Variants in CRB1 observed in about 807,000 individuals in gnomAD.
CRB1 encodes crumbs cell polarity complex component 1, also known as protein crumbs homolog 1.
A neutral mutation model predicts 120.0 loss-of-function variants in CRB1; 83 were observed. The observed-to-expected ratio is 0.69, with a 90% CI of 0.58 to 0.83. The LOEUF (loss-of-function observed/expected upper bound fraction) is 0.83. Among genes scored for constraint, CRB1 ranks in the 40% least tolerant of loss-of-function variants. The probability of loss-of-function intolerance (pLI) is 0.00; values close to 1 mark genes in which losing one functional copy is unlikely to be tolerated. For synonymous variants in CRB1, 625 were observed against 612.5 expected, an observed-to-expected ratio of 1.02 and a Z score of -0.30; for missense variants, 1,699 against 1,687.6, an observed-to-expected ratio of 1.01 and a Z score of -0.12.
chr1:197,361,836 T>A (rs1660785705), intron 5 of CRB1, among the ~76,000 whole-genome samples: 1 of 152,028 alleles, frequency 6.6e-6, no homozygotes, highest in Non-Finnish European at 1.5e-5. Flanking sequence ...TGATTTCTGT[T>A]CTTTTTTATA....
chr1:197,201,640 G>A, the CRB1 span, among the ~76,000 whole-genome samples: 4 of 152,204 alleles, frequency 2.6e-5, no homozygotes, highest in Non-Finnish European at 5.9e-5. Flanking sequence ...TGGACGCAGA[G>A]TTTAGAAGTA....
intron 1 of CRB1, among the ~76,000 whole-genome samples, chr1:197,326,756 G>A (rs1337006): frequency 0.36 from 54,248 of 151,808 alleles, 11,973 homozygotes; most frequent in East Asian, 0.78. Context: ...ATTTTTGTCC[G>A]ATCCTGACCA....
intron 5 of CRB1, among the ~76,000 whole-genome samples, chr1:197,361,627 C>G (rs1019182877): frequency 6.6e-6 from 1 of 151,928 alleles, no homozygotes; most frequent in Non-Finnish European, 1.5e-5. Flanking sequence ...TAATGTTGCT[C>G]ATAATATTGC....
chr1:197,477,373 T>C (rs1667240376), intron 11 of CRB1, among the ~76,000 whole-genome samples: 1 of 152,180 alleles, frequency 6.6e-6, no homozygotes, highest in Non-Finnish European at 1.5e-5. Flanking sequence ...ATCTTTTGCC[T>C]TTGTTGCTAC....
At chr1:197,278,218 G>C (rs1433199639) in intron 1 of CRB1, among the ~76,000 whole-genome samples, 2 of 151,874 alleles carry the variant, frequency 1.3e-5, no homozygotes, top group East Asian at 3.9e-4. Context: ...CATGGGATTA[G>C]TGCCCTTGTA....
At chr1:197,284,890 G>A (rs752506854) in intron 1 of CRB1, among the ~76,000 whole-genome samples, 14 of 151,860 alleles carry the variant, frequency 9.2e-5, no homozygotes, top group South Asian at 2.1e-4. Flanking sequence ...AATGATTGTT[G>A]CTAAAATCAT....
chr1:197,242,319 T>C, the CRB1 span, among the ~76,000 whole-genome samples: 1 of 152,214 alleles, frequency 6.6e-6, no homozygotes, highest in South Asian at 2.1e-4. Flanking sequence ...GGTTTTGTCA[T>C]ATATAGCTCT....
At chr1:197,326,646 A>ATAG (rs1177098702) in intron 1 of CRB1, among the ~76,000 whole-genome samples, 1 of 151,940 alleles carries the variant, frequency 6.6e-6, no homozygotes, top group South Asian at 2.1e-4. Context: ...AATAATAATA[A>ATAG]TAATAAATAA....
intron 2 of CRB1, among the ~76,000 whole-genome samples, chr1:197,333,432 T>C (rs1422997698): frequency 6.6e-5 from 10 of 152,240 alleles, no homozygotes; most frequent in African/African-American, 1.9e-4. Flanking sequence ...ATGAATCATT[T>C]CATAATTGAG....
intron 5 of CRB1, among the ~76,000 whole-genome samples, chr1:197,369,957 C>T (rs528613636): frequency 6.6e-6 from 1 of 152,200 alleles, no homozygotes; most frequent in East Asian, 1.9e-4. Flanking sequence ...TTTGACTAGT[C>T]CCAAAGGTAA....
intron 8 of CRB1, among the ~76,000 whole-genome samples, chr1:197,430,440 A>G (rs993218527): frequency 1.3e-5 from 2 of 152,126 alleles, no homozygotes; most frequent in East Asian, 1.9e-4. Flanking sequence ...CCTCACTCCT[A>G]TTCCTACCAG....
chr1:197,305,594 A>AT (rs1343119246), intron 1 of CRB1, among the ~76,000 whole-genome samples: 7 of 151,854 alleles, frequency 4.6e-5, no homozygotes, highest in South Asian at 4.1e-4. Context: ...ATAATCTGTG[A>AT]TTTTTTTATG....
At chr1:197,445,285 G>A (rs967516079) in intron 11 of CRB1, among the ~76,000 whole-genome samples, 1 of 152,126 alleles carries the variant, frequency 6.6e-6, no homozygotes, top group Non-Finnish European at 1.5e-5. Context: ...AAACTAAACA[G>A]GGCTATGTCT....
chr1:197,203,331 TC>T, the CRB1 span, among the ~76,000 whole-genome samples: 47 of 152,144 alleles, frequency 3.1e-4, no homozygotes, highest in African/African-American at 9.4e-4. Context: ...ACTTTTTTTT[TC>T]TTTTTTTGAG....
intron 5 of CRB1, chr1:197,357,707 A>T (rs551058703): frequency 6.5e-6 from 1 of 153,066 alleles, no homozygotes; most frequent in Non-Finnish European, 1.5e-5. Flanking sequence ...AGATTAAGTG[A>T]TGCCTCTGGA....
the CRB1 span, among the ~76,000 whole-genome samples, chr1:197,253,748 C>A: frequency 2.6e-5 from 4 of 151,914 alleles, no homozygotes; most frequent in African/African-American, 9.7e-5. Context: ...TCTAAAATTT[C>A]TTTGTTTTGA....
intron 1 of CRB1, among the ~76,000 whole-genome samples, chr1:197,286,510 G>T (rs193201276): frequency 6.6e-6 from 1 of 151,744 alleles, no homozygotes; most frequent in Non-Finnish European, 1.5e-5. Flanking sequence ...TTTACTAATT[G>T]TTTATTTGTA....
At chr1:197,313,643 T>C (rs1002275551) in intron 1 of CRB1, among the ~76,000 whole-genome samples, 1 of 152,180 alleles carries the variant, frequency 6.6e-6, no homozygotes, top group Non-Finnish European at 1.5e-5. Flanking sequence ...TAACCATCAG[T>C]CTACCTCCAT....
intron 1 of CRB1, among the ~76,000 whole-genome samples, chr1:197,307,860 C>A (rs569694486): frequency 1.1e-4 from 17 of 152,310 alleles, no homozygotes; most frequent in Admixed American, 3.9e-4. Context: ...CTTCCACTTA[C>A]TAGCTACGTG....
Sources: allele counts gnomAD v4.1 joint callset (sites outside exome capture counted in the v4.1 genomes callset), GRCh38; gene constraint gnomAD v4.1.1; transcripts MANE v1.5; gene names NCBI Gene and HGNC (gene_info 2026-07-23, HGNC 2026-07-21).